Variants in MAPKAP1 observed in about 807,000 individuals in gnomAD.
MAPKAP1 encodes the protein target of rapamycin complex 2 subunit MAPKAP1.
MAPKAP1 carries 20 observed loss-of-function variants against 65.7 expected under a neutral mutation model. That is an observed-to-expected ratio of 0.30 (90% CI 0.21 to 0.44). The LOEUF is 0.44. Ranked by LOEUF, MAPKAP1 falls within the 20% of genes least tolerant of loss-of-function variation. MAPKAP1 has a pLI of 1.00. For missense variants in MAPKAP1, 423 were observed against 648.0 expected (o/e 0.65, Z 3.77); for synonymous variants, 222 against 244.3 (o/e 0.91, Z 0.85).
chr9:125,612,686 C>A (rs539330467), intron 4 of MAPKAP1, among the ~76,000 whole-genome samples: 6 of 152,248 alleles, frequency 3.9e-5, no homozygotes, highest in Admixed American at 3.9e-4. Flanking sequence ...ATTAAGAGAT[C>A]CTGATTCCCA....
Position 125,595,831 on chromosome 9 carries a change from G to C in MAPKAP1, c.499-10104C>G. 1 of 1,118,122 alleles carries C rather than the reference G, an allele frequency of 8.9e-7. No individual in the cohort carries two copies. The highest frequency in any genetic ancestry group is 1.7e-5 in the Admixed American group (1 of 59,088). 69.3% of individuals were successfully genotyped at this position (1,118,122 alleles called of 1,614,324 possible). On this transcript the variant is annotated intron_variant, in intron 4 of 11. Coordinates refer to ENST00000265960, the MANE Select transcript of MAPKAP1 (RefSeq NM_001006617.3). The surrounding 1 kb of genome is among the most constrained non-coding windows in gnomAD (Gnocchi z 4.0). ...AAGATTCCAACACCAAGCGTTCCGG[G>C]GGTTTTGGGTTTGTCACCTATGCCA... is the stretch of plus-strand genomic sequence containing the variant.
chr9:125,562,168 A>G (rs950020281), intron 5 of MAPKAP1, among the ~76,000 whole-genome samples: 7 of 152,258 alleles, frequency 4.6e-5, no homozygotes, highest in African/African-American at 1.7e-4. Flanking sequence ...TCCAACAATG[A>G]TATCAGAAGA....
Position 125,595,631 on chromosome 9 carries a change from C to T in MAPKAP1, c.499-9904G>A. The stretch of plus-strand genomic sequence containing the variant: ...TTACTCCTTTCTGCCTGTGGACACG[C>T]CAAGGAAGCATCGTTAAAGTCTCTC... On this transcript the variant is annotated intron_variant, in intron 4 of 11. Coordinates refer to ENST00000265960, the MANE Select transcript of MAPKAP1 (RefSeq NM_001006617.3). This position sits in a 1 kb window ranked among gnomAD's most constrained non-coding sequence, Gnocchi z 4.0. 6.9e-7 allele frequency: 1 copy of T among 1,440,222 alleles called. No homozygotes were observed. The highest frequency in any genetic ancestry group is 1.4e-5 in the South Asian group (1 of 71,644). 89.2% of individuals were successfully genotyped at this position (1,440,222 alleles called of 1,614,324 possible). A position where few individuals can be genotyped will look rare whatever the true frequency, so the allele number is the denominator to read the frequency against.
chr9:125,455,797 C>T (rs1048236377), intron 10 of MAPKAP1, among the ~76,000 whole-genome samples: 6 of 152,236 alleles, frequency 3.9e-5, no homozygotes, highest in Non-Finnish European at 5.9e-5. Flanking sequence ...GTCTCTCTTG[C>T]TCCTTCCCTT....
intron 5 of MAPKAP1, 89 bp downstream of exon 5, chr9:125,585,466 A>G (rs1831752536): frequency 7.1e-7 from 1 of 1,400,488 alleles, no homozygotes; most frequent in Non-Finnish European, 9.9e-7. Flanking sequence ...TTCCAGGCCA[A>G]TGCCTAGAAA....
At chr9:125,540,634 A>G (rs572974342) in intron 7 of MAPKAP1, among the ~76,000 whole-genome samples, 1 of 152,358 alleles carries the variant, frequency 6.6e-6, no homozygotes, top group South Asian at 2.1e-4. Context: ...GTTCCCAGAC[A>G]TGGGGCATGG....
intron 4 of MAPKAP1, among the ~76,000 whole-genome samples, chr9:125,636,133 AT>A (rs1248227667): frequency 6.6e-6 from 1 of 152,180 alleles, no homozygotes; most frequent in Non-Finnish European, 1.5e-5. Context: ...TCCACCACTG[AT>A]TTGTGTCAGA....
At position 125,595,365 on chromosome 9, in the gene MAPKAP1, T is replaced by C. The variant is rs139323987; in HGVS notation, c.499-9638A>G. 1.9e-3 allele frequency: 428 copies of C among 229,880 alleles called. 6 individuals are homozygous for C. Among genetic ancestry groups the C allele is most frequent in the African/African-American group, 9.5e-3 (406 of 42,888 alleles). The allele number at this position is 229,880 out of a possible 1,614,324, so 14.2% of individuals were successfully genotyped here. Reference sequence around the variant, plus strand: ...AAAATAACTTCTAATACACAGAATGTGAACAGATATAGAATTGAAATGTAT... The same window carrying C: ...AAAATAACTTCTAATACACAGAATGCGAACAGATATAGAATTGAAATGTAT... On this transcript the variant is annotated intron_variant, in intron 4 of 11. Transcript: ENST00000265960. This position sits in a 1 kb window ranked among gnomAD's most constrained non-coding sequence, Gnocchi z 4.0.
chr9:125,634,808 C>A (rs1833378711), intron 4 of MAPKAP1, among the ~76,000 whole-genome samples: 1 of 152,190 alleles, frequency 6.6e-6, no homozygotes, highest in African/African-American at 2.4e-5. Context: ...AAACTACTTT[C>A]ACGAGCATCT....
intron 4 of MAPKAP1, among the ~76,000 whole-genome samples, chr9:125,615,158 A>G (rs1338999875): frequency 6.6e-6 from 1 of 152,204 alleles, no homozygotes; most frequent in Non-Finnish European, 1.5e-5. Context: ...TAGAATTTAA[A>G]AATATATTTA....
At chr9:125,578,251 T>C (rs1659707829) in intron 5 of MAPKAP1, among the ~76,000 whole-genome samples, 1 of 152,066 alleles carries the variant, frequency 6.6e-6, no homozygotes, top group African/African-American at 2.4e-5. Flanking sequence ...TTAGGAGTCA[T>C]CACCACTCCC....
intron 4 of MAPKAP1, among the ~76,000 whole-genome samples, chr9:125,653,755 G>A (rs1032093167): frequency 6.6e-6 from 1 of 152,214 alleles, no homozygotes; most frequent in African/African-American, 2.4e-5. Context: ...AAACGACACT[G>A]CCTCTCACTG....
chr9:125,529,193 A>AG (rs1413418580), intron 7 of MAPKAP1, among the ~76,000 whole-genome samples: 1,543 of 141,164 alleles, frequency 0.011, 26 homozygotes, highest in African/African-American at 0.031. Context: ...AAAAAAAAAA[A>AG]AAAGAAAGAA....
chr9:125,633,865 G>C (rs1398768145), intron 4 of MAPKAP1, among the ~76,000 whole-genome samples: 1 of 152,174 alleles, frequency 6.6e-6, no homozygotes, highest in Non-Finnish European at 1.5e-5. Context: ...GATATTATAT[G>C]CACTTTCTAT....
At chr9:125,662,212 T>C (rs1475587359) in intron 3 of MAPKAP1, among the ~76,000 whole-genome samples, 2 of 151,952 alleles carry the variant, frequency 1.3e-5, no homozygotes, top group Admixed American at 1.3e-4. Context: ...CAAAATCCCA[T>C]CTCTACAAAA....
intron 4 of MAPKAP1, among the ~76,000 whole-genome samples, chr9:125,610,841 G>C (rs1301049139): frequency 6.6e-6 from 1 of 152,160 alleles, no homozygotes. Flanking sequence ...ATCCTATTGG[G>C]AAAAACCTAA....
chr9:125,677,593 G>A (rs1350686686), intron 1 of MAPKAP1, among the ~76,000 whole-genome samples: 5 of 152,106 alleles, frequency 3.3e-5, no homozygotes, highest in African/African-American at 1.2e-4. Flanking sequence ...CTACTCGGGA[G>A]GCTGAGGCAT....
intron 1 of MAPKAP1, among the ~76,000 whole-genome samples, chr9:125,675,984 C>A (rs1229295588): frequency 6.6e-6 from 1 of 152,110 alleles, no homozygotes; most frequent in East Asian, 1.9e-4. Flanking sequence ...AAAAATCTCC[C>A]AAAGAGCAGC....
intron 9 of MAPKAP1, among the ~76,000 whole-genome samples, chr9:125,472,470 C>T (rs1253120476): frequency 6.6e-6 from 1 of 152,172 alleles, no homozygotes; most frequent in Non-Finnish European, 1.5e-5. Context: ...AGCATGAAAT[C>T]CGATCAATAT....
Sources: allele counts gnomAD v4.1 joint callset (sites outside exome capture counted in the v4.1 genomes callset), GRCh38; gene constraint gnomAD v4.1.1; non-coding constraint Gnocchi (gnomAD v3.1); transcripts MANE v1.5; gene names NCBI Gene and HGNC (gene_info 2026-07-23, HGNC 2026-07-21).